The following EML4 variants were observed in gnomAD, a reference collection of about 807,000 sequenced individuals.
EML4 encodes the protein echinoderm microtubule-associated protein-like 4.
A neutral mutation model predicts 129.0 loss-of-function variants in EML4; 72 were observed. That is an observed-to-expected ratio of 0.56 (90% CI 0.46 to 0.68). The LOEUF is 0.68. Ranked by LOEUF, EML4 falls within the 30% of genes least tolerant of loss-of-function variation. The probability of loss-of-function intolerance (pLI) is 0.00; values close to 1 mark genes in which losing one functional copy is unlikely to be tolerated. For missense variants in EML4, 1,363 were observed against 1,190.6 expected (o/e 1.14, Z -2.13); for synonymous variants, 532 against 405.0 (o/e 1.31, Z -3.77).
intron 14 of EML4, among the ~76,000 whole-genome samples, chr2:42,301,599 A>C (rs1389955405): frequency 6.6e-6 from 1 of 151,840 alleles, no homozygotes; most frequent in Non-Finnish European, 1.5e-5. Flanking sequence ...GACTATTTTT[A>C]AAGATTAGGC....
intron 1 of EML4, among the ~76,000 whole-genome samples, chr2:42,221,721 A>G (rs1673615033): frequency 6.6e-6 from 1 of 151,894 alleles, no homozygotes; most frequent in Admixed American, 6.6e-5. Context: ...CTCCTGCCTC[A>G]GCCTCCTCGG....
intron 16 of EML4, among the ~76,000 whole-genome samples, chr2:42,303,797 C>T (rs1428738473): frequency 1.3e-5 from 2 of 151,974 alleles, no homozygotes; most frequent in Non-Finnish European, 2.9e-5. Flanking sequence ...TGGTGGTGGG[C>T]GCCTGTAGTC....
intron 1 of EML4, among the ~76,000 whole-genome samples, chr2:42,179,254 G>T (rs115865862): frequency 0.027 from 3,544 of 131,550 alleles, 133 homozygotes; most frequent in African/African-American, 0.095. Context: ...TAAAACGTCG[G>T]GGAGCTGGGT....
chr2:42,253,017 CTGAGTAAATATT>C (rs1405422232), intron 2 of EML4, among the ~76,000 whole-genome samples: 1 of 152,034 alleles, frequency 6.6e-6, no homozygotes, highest in Admixed American at 6.6e-5. Flanking sequence ...ATAATTGGTC[CTGAGTAAATATT>C]TGATTGGTGC....
intron 6 of EML4, among the ~76,000 whole-genome samples, chr2:42,279,108 T>A (rs1237830899): frequency 6.6e-6 from 1 of 152,190 alleles, no homozygotes; most frequent in East Asian, 1.9e-4. Flanking sequence ...GGTATTATAT[T>A]TGAAATCTTG....
chr2:42,313,547 G>T (rs1450293571), intron 17 of EML4, among the ~76,000 whole-genome samples: 1 of 151,888 alleles, frequency 6.6e-6, no homozygotes, highest in Non-Finnish European at 1.5e-5. Flanking sequence ...AATCCTTCAA[G>T]CCCTTTTCTC....
chr2:42,232,713 T>C (rs1481608291), intron 1 of EML4, among the ~76,000 whole-genome samples: 2 of 151,992 alleles, frequency 1.3e-5, no homozygotes, highest in Non-Finnish European at 1.5e-5. Flanking sequence ...GTAAAGGCCT[T>C]TTTGTTTTGT....
At chr2:42,192,488 C>CCTCA (rs2103909583) in intron 1 of EML4, among the ~76,000 whole-genome samples, 1 of 152,256 alleles carries the variant, frequency 6.6e-6, no homozygotes, top group Non-Finnish European at 1.5e-5. Context: ...GATCCACCTG[C>CCTCA]CTCAGCCTCC....
At chr2:42,244,042 T>C (rs910401550) in intron 1 of EML4, among the ~76,000 whole-genome samples, 1 of 152,106 alleles carries the variant, frequency 6.6e-6, no homozygotes, top group African/African-American at 2.4e-5. Context: ...CTGCTTATAC[T>C]GAATGAACCA....
intron 7 of EML4, 29 bp from the exon 8 acceptor site, chr2:42,282,794 T>C: frequency 6.3e-7 from 1 of 1,599,758 alleles, no homozygotes; most frequent in Non-Finnish European, 8.5e-7. Flanking sequence ...ACTGTGTTTA[T>C]TTAAAACCTT....
intron 1 of EML4, among the ~76,000 whole-genome samples, chr2:42,176,256 A>T (rs1024216681): frequency 6.6e-6 from 1 of 151,852 alleles, no homozygotes; most frequent in Non-Finnish European, 1.5e-5. Context: ...ACCTTTTCTC[A>T]TCCCTTTTCT....
intron 2 of EML4, among the ~76,000 whole-genome samples, chr2:42,248,877 GTTAA>G (rs1314727308): frequency 5.9e-5 from 9 of 152,082 alleles, no homozygotes; most frequent in Non-Finnish European, 1.3e-4. Context: ...CATAATTCAT[GTTAA>G]TTACTGTATT....
intron 17 of EML4, among the ~76,000 whole-genome samples, chr2:42,310,501 A>G (rs752306285): frequency 1.5e-4 from 23 of 152,110 alleles, no homozygotes; most frequent in Non-Finnish European, 2.6e-4. Flanking sequence ...GTGCACCACC[A>G]TGCCTGGCTA....
rs144438593 is a variant in EML4, at chr2:42,250,091, A to G, written c.208+4404A>G. On this transcript the variant is annotated intron_variant, in intron 2 of 22. Transcript: ENST00000318522. Reference sequence around the variant, plus strand: ...TAATTTGAGAACACAGCCCAGTGGCATTATGTGAAGACAAACTGTTAGTAC... The same window carrying G: ...TAATTTGAGAACACAGCCCAGTGGCGTTATGTGAAGACAAACTGTTAGTAC... Among the ~76,000 whole-genome samples the G allele has an allele frequency of 2.2e-4, 34 of 152,338 alleles. No individual in the cohort carries two copies. The East Asian group carries it at 4.4e-3, about 20-fold the overall frequency.
chr2:42,301,246 T>C lies in EML4; in HGVS notation c.1495T>C (p.Tyr499His). ...TTATTTTTCCCTCATATTAGGTGTA[T>C]ATCAAATCAGCAAACAAATCAAAGC... ...PTPGKGPKGV[Y>H]QISKQIKAHD... The change falls in exon 14 of 23, where the codon TAT becomes CAT. Residue 499 changes from tyrosine (Y) to histidine (H), a missense_variant. By Grantham distance (83) the Tyr-to-His change is moderately conservative. Coordinates refer to ENST00000318522, the MANE Select transcript of EML4 (RefSeq NM_019063.5). 1 of 1,610,908 alleles carries C rather than the reference T, an allele frequency of 6.2e-7. No individual in the cohort carries two copies. The highest frequency in any genetic ancestry group is 8.5e-7 in the Non-Finnish European group (1 of 1,178,820).
At position 42,330,404 on chromosome 2, in the gene EML4, A is replaced by C; in HGVS notation, c.*197A>C. The C allele has an allele frequency of 1.5e-6, 1 of 660,082 alleles. No homozygotes were observed. Among genetic ancestry groups the C allele is most frequent in the East Asian group, 2.8e-5 (1 of 36,294 alleles). The allele number at this position is 660,082 out of a possible 1,614,324, so 40.9% of individuals were successfully genotyped here. The stretch of plus-strand genomic sequence containing the variant: ...AAGTTTTAGTTTGGTGTTTATTGAA[A>C]ATTAACCAAACTTAATACTAGGAGA... On this transcript the variant is annotated 3_prime_UTR_variant, in exon 23 of 23. Coordinates refer to ENST00000318522, the MANE Select transcript of EML4 (RefSeq NM_019063.5).
At chr2:42,305,347 A>G (rs540922016) in intron 17 of EML4, among the ~76,000 whole-genome samples, 4 of 152,344 alleles carry the variant, frequency 2.6e-5, no homozygotes, top group Non-Finnish European at 4.4e-5. Context: ...CAGTTGCAAA[A>G]TGATAGAGTG....
intron 1 of EML4, among the ~76,000 whole-genome samples, chr2:42,237,405 A>T (rs12105112): frequency 0.015 from 2,337 of 152,186 alleles, 58 homozygotes; most frequent in African/African-American, 0.053. Flanking sequence ...TCCTGTTTGT[A>T]GGATATGAAG....
intron 9 of EML4, among the ~76,000 whole-genome samples, chr2:42,285,499 G>T (rs1268054647): frequency 1.3e-5 from 2 of 151,968 alleles, no homozygotes; most frequent in Admixed American, 6.6e-5. Context: ...TTGATAAAAT[G>T]TGTTATTTTC....
Sources: gnomAD v4.1 joint callset for allele counts (sites outside exome capture counted in the v4.1 genomes callset) on GRCh38, gnomAD v4.1.1 for gene constraint, MANE v1.5 for transcripts, NCBI Gene and HGNC (gene_info 2026-07-23, HGNC 2026-07-21) for gene names.